The following SLC15A5 variants were observed in gnomAD, a reference collection of about 807,000 sequenced individuals.
SLC15A5 encodes the protein Peptide/histidine transporter ENSP00000340402.
In SLC15A5, 58 loss-of-function variants were observed where a neutral mutation model predicts 56.1. The observed-to-expected ratio is 1.03, with a 90% CI of 0.84 to 1.29. The LOEUF (loss-of-function observed/expected upper bound fraction) is 1.29, where lower values mean the gene tolerates loss of function less well. SLC15A5 is among the 50% of genes most tolerant of loss of function. The pLI is 0.00. For synonymous variants in SLC15A5, 264 were observed against 250.5 expected (o/e 1.05, Z -0.51); for missense variants, 681 against 672.1 (o/e 1.01, Z -0.15).
intron 3 of SLC15A5, among the ~76,000 whole-genome samples, chr12:16,250,864 G>A (rs1341746101): frequency 6.6e-6 from 1 of 151,860 alleles, no homozygotes; most frequent in African/African-American, 2.4e-5. Flanking sequence ...CAATAAGGGA[G>A]AATATTGAAG....
chr12:16,219,787 G>C (rs899800262), intron 6 of SLC15A5, among the ~76,000 whole-genome samples: 2 of 151,712 alleles, frequency 1.3e-5, no homozygotes, highest in African/African-American at 4.8e-5. Context: ...ATTTCTTTTA[G>C]CCCATTACAA....
chr12:16,215,207 A>C (rs1864118904), intron 7 of SLC15A5, among the ~76,000 whole-genome samples: 1 of 130,804 alleles, frequency 7.6e-6, no homozygotes, highest in Non-Finnish European at 1.6e-5. Flanking sequence ...TTTCTCAAAA[A>C]AAAAAAAAAA....
chr12:16,244,251 G>C (rs1186812569), intron 4 of SLC15A5, among the ~76,000 whole-genome samples: 2 of 152,158 alleles, frequency 1.3e-5, no homozygotes, highest in African/African-American at 4.8e-5. Context: ...TGGCTAAAGG[G>C]AAGTTTGGTA....
intron 5 of SLC15A5, among the ~76,000 whole-genome samples, chr12:16,232,973 GAAGA>G (rs1326422264): frequency 1.7e-4 from 23 of 131,880 alleles, no homozygotes; most frequent in Admixed American, 5.4e-4. Flanking sequence ...AAGAAAGAAA[GAAGA>G]AAGAGAGGGA....
chr12:16,272,966 A>G (rs1015045159), intron 1 of SLC15A5, among the ~76,000 whole-genome samples, 183 bp from the exon 2 acceptor site: 2 of 151,922 alleles, frequency 1.3e-5, no homozygotes, highest in African/African-American at 4.8e-5. Flanking sequence ...AATTTCCTTC[A>G]ATATGTGTCT....
Position 16,220,836 on chromosome 12 carries a change from A to C in SLC15A5, c.1351+3578T>G, listed in dbSNP as rs139897123. ...ATTTTTGTCTTATTTTTTTTAACTG[A>C]TGTGTCTAAAACTTCGAGAGCAGTA... On this transcript the variant is annotated intron_variant, in intron 6 of 8. Coordinates refer to ENST00000344941, the MANE Select transcript of SLC15A5 (RefSeq NM_001170798.1). Among the ~76,000 whole-genome samples the C allele has an allele frequency of 8.0e-3, 1,211 of 152,226 alleles. 21 individuals carry two copies. The highest frequency in any genetic ancestry group is 0.028 in the African/African-American group (1,155 of 41,546).
In SLC15A5 at chr12:16,215,603, C is replaced by T. The variant is rs534826820; in HGVS notation, c.1483+1290G>A. Reference sequence around the variant, plus strand: ...GAGAAGTCAGCAACTTGCTGCCGTTCACACAGTTAGCTAACACAGTTTGAA... The same window carrying T: ...GAGAAGTCAGCAACTTGCTGCCGTTTACACAGTTAGCTAACACAGTTTGAA... On this transcript the variant is annotated intron_variant, in intron 7 of 8. Transcript: ENST00000344941. 5.4e-5 allele frequency among the ~76,000 whole-genome samples: 8 copies of T among 148,466 alleles called. No homozygotes were observed. The South Asian group carries it at 1.7e-3, about 31-fold the overall frequency.
Position 16,257,803 on chromosome 12 carries a change from G to C in SLC15A5, c.652C>G (p.Gln218Glu), listed in dbSNP as rs1864592217. ...FLGISYIQHSQAWALVLLIPF... is the reference protein window; with the variant it reads ...FLGISYIQHSEAWALVLLIPF... Reference sequence around the variant, plus strand: ...ATAAGTAAAACAAGGGCCCAGGCCTGTGAGTGCTGGATGTAAGATATTCCC... The same window carrying C: ...ATAAGTAAAACAAGGGCCCAGGCCTCTGAGTGCTGGATGTAAGATATTCCC... Residue 218 changes from glutamine to glutamate, a missense_variant, in exon 3 of 9, where the codon CAG becomes GAG. Coordinates refer to ENST00000344941, the MANE Select transcript of SLC15A5 (RefSeq NM_001170798.1). 1 of 1,529,150 alleles carries C rather than the reference G, an allele frequency of 6.5e-7. No homozygotes were observed. The highest frequency in any genetic ancestry group is 8.7e-7 in the Non-Finnish European group (1 of 1,144,074). 94.7% of individuals were successfully genotyped at this position (1,529,150 alleles called of 1,614,324 possible). A position where few individuals can be genotyped will look rare whatever the true frequency, so the allele number is the denominator to read the frequency against.
intron 6 of SLC15A5, among the ~76,000 whole-genome samples, chr12:16,223,857 C>T (rs57082350): frequency 0.015 from 2,293 of 152,090 alleles, 58 homozygotes; most frequent in African/African-American, 0.051. Flanking sequence ...GCTGGGACTA[C>T]AGGCGCCTGC....
intron 4 of SLC15A5, among the ~76,000 whole-genome samples, chr12:16,242,503 T>G (rs1243815406): frequency 6.6e-6 from 1 of 152,198 alleles, no homozygotes; most frequent in Non-Finnish European, 1.5e-5. Flanking sequence ...TTTCTGAGCC[T>G]CAGATTTAGG....
At chr12:16,253,066 C>T (rs143068933) in intron 3 of SLC15A5, among the ~76,000 whole-genome samples, 18 of 152,038 alleles carry the variant, frequency 1.2e-4, no homozygotes, top group Non-Finnish European at 2.2e-4. Flanking sequence ...ACAAATAGGG[C>T]GGGGTAAATC....
At chr12:16,236,672 T>C (rs1249158934) in intron 5 of SLC15A5, among the ~76,000 whole-genome samples, 2 of 152,194 alleles carry the variant, frequency 1.3e-5, no homozygotes, top group Non-Finnish European at 2.9e-5. Flanking sequence ...ACATTAGGCA[T>C]TGTCATTGAC....
intron 3 of SLC15A5, among the ~76,000 whole-genome samples, chr12:16,246,214 C>T (rs954750945): frequency 2.0e-5 from 3 of 152,140 alleles, no homozygotes; most frequent in Non-Finnish European, 4.4e-5. Flanking sequence ...TTCTTAGTCA[C>T]TATTGCCTGA....
intron 3 of SLC15A5, among the ~76,000 whole-genome samples, chr12:16,249,996 A>G (rs1292327812): frequency 2.0e-5 from 3 of 152,038 alleles, no homozygotes; most frequent in Non-Finnish European, 4.4e-5. Flanking sequence ...TGTGGTCCAC[A>G]GGCCACAGAG....
intron 8 of SLC15A5, among the ~76,000 whole-genome samples, chr12:16,191,249 C>A (rs551954754): frequency 5.3e-5 from 8 of 151,950 alleles, no homozygotes; most frequent in Non-Finnish European, 1.2e-4. Context: ...GTCCCAGTAA[C>A]CCTCACAAGA....
chr12:16,267,905 A>AT (rs1336698587), intron 2 of SLC15A5, among the ~76,000 whole-genome samples: 1 of 18,410 alleles, frequency 5.4e-5, no homozygotes, highest in Non-Finnish European at 2.3e-4. Context: ...TGCCTGGGTA[A>AT]TTAAAAAAAA....
chr12:16,273,123 C>T (rs1864778598), intron 1 of SLC15A5, among the ~76,000 whole-genome samples: 1 of 151,802 alleles, frequency 6.6e-6, no homozygotes, highest in African/African-American at 2.4e-5. Context: ...TGTTAGTATT[C>T]CCACCCCCAG....
At position 16,235,331 on chromosome 12, in the gene SLC15A5, T is replaced by C. The variant is rs1340002946; in HGVS notation, c.1162+4350A>G. ...ATATATGTATATATGTATATGTATA[T>C]GTACATATATATGACCTTCTATCTT... On this transcript the variant is annotated intron_variant, in intron 5 of 8. Transcript: ENST00000344941. The surrounding 1 kb of genome is among the most constrained non-coding windows in gnomAD (Gnocchi z 4.1). 6.7e-6 allele frequency among the ~76,000 whole-genome samples: 1 copy of C among 150,222 alleles called. No individual in the cohort carries two copies. Among genetic ancestry groups the C allele is most frequent in the Non-Finnish European group, 1.5e-5 (1 of 67,572 alleles).
chr12:16,226,506 A>G (rs947344456), intron 5 of SLC15A5, among the ~76,000 whole-genome samples: 4 of 152,184 alleles, frequency 2.6e-5, no homozygotes, highest in Non-Finnish European at 5.9e-5. Flanking sequence ...ATCTTTATAT[A>G]TAGCTTTAAT....
Sources: allele counts gnomAD v4.1 joint callset (sites outside exome capture counted in the v4.1 genomes callset), GRCh38; gene constraint gnomAD v4.1.1; non-coding constraint Gnocchi (gnomAD v3.1); transcripts MANE v1.5; gene names NCBI Gene and HGNC (gene_info 2026-07-23, HGNC 2026-07-21).